Variants in CNTN5 observed in about 807,000 individuals in gnomAD.
CNTN5 encodes contactin-5.
Under a neutral mutation model 129.1 loss-of-function variants are expected in CNTN5, and 77 were observed. That is an observed-to-expected ratio of 0.60 (90% CI 0.50 to 0.72). CNTN5 has a LOEUF of 0.72. Among genes scored for constraint, CNTN5 ranks in the 30% least tolerant of loss-of-function variants. The pLI is 0.00. For missense variants in CNTN5, 1,478 were observed against 1,328.8 expected, an observed-to-expected ratio of 1.11 and a Z score of -1.75; for synonymous variants, 509 against 465.6, an observed-to-expected ratio of 1.09 and a Z score of -1.20.
chr11:99,678,389 C>T (rs1416823334), intron 3 of CNTN5, among the ~76,000 whole-genome samples: 1 of 152,020 alleles, frequency 6.6e-6, no homozygotes, highest in Non-Finnish European at 1.5e-5. Context: ...ATCATTGCAA[C>T]ATATGTTTAA....
intron 16 of CNTN5, among the ~76,000 whole-genome samples, chr11:100,251,407 TTTATC>T (rs1444832632): frequency 7.9e-5 from 12 of 152,104 alleles, no homozygotes; most frequent in African/African-American, 2.9e-4. Flanking sequence ...ATCTTAAACA[TTTATC>T]TTTTCTTTGT....
At chr11:99,470,595 T>C (rs1470522983) in intron 2 of CNTN5, among the ~76,000 whole-genome samples, 1 of 152,138 alleles carries the variant, frequency 6.6e-6, no homozygotes, top group Non-Finnish European at 1.5e-5. Context: ...TTACCTGATA[T>C]AATATGTATT....
At chr11:100,035,937 A>G (rs529410685) in intron 9 of CNTN5, among the ~76,000 whole-genome samples, 2,055 of 152,174 alleles carry the variant, frequency 0.014, 59 homozygotes, top group African/African-American at 0.047. Context: ...CTCTGATGGT[A>G]GTTTCTTTTG....
intron 2 of CNTN5, among the ~76,000 whole-genome samples, chr11:99,554,117 T>G (rs1218629939): frequency 6.6e-6 from 1 of 151,988 alleles, no homozygotes; most frequent in Non-Finnish European, 1.5e-5. Flanking sequence ...GAGTTTATAC[T>G]TAAAGATTAT....
chr11:100,111,558 A>G (rs1379364214), intron 13 of CNTN5, among the ~76,000 whole-genome samples: 1 of 152,162 alleles, frequency 6.6e-6, no homozygotes, highest in Non-Finnish European at 1.5e-5. Flanking sequence ...AGAGACAATA[A>G]TGTTGTTCAT....
chr11:99,179,156 G>C (rs978617276), intron 1 of CNTN5, among the ~76,000 whole-genome samples: 6 of 151,988 alleles, frequency 3.9e-5, no homozygotes, highest in Non-Finnish European at 8.8e-5. Flanking sequence ...CTGGGCTGCT[G>C]GTTGGCCAGG....
chr11:99,459,952 C>T (rs1373648575), intron 2 of CNTN5, among the ~76,000 whole-genome samples: 1 of 151,710 alleles, frequency 6.6e-6, no homozygotes, highest in African/African-American at 2.4e-5. Flanking sequence ...GCTAGTATTA[C>T]TAGACACATG....
At chr11:99,322,269 CAT>C (rs1258979144) in intron 1 of CNTN5, among the ~76,000 whole-genome samples, 3 of 152,140 alleles carry the variant, frequency 2.0e-5, no homozygotes, top group Admixed American at 1.3e-4. Flanking sequence ...ACTGCTTGCA[CAT>C]GTTTCTGGTG....
chr11:99,765,737 G>A (rs1366422787), intron 3 of CNTN5, among the ~76,000 whole-genome samples: 1 of 151,324 alleles, frequency 6.6e-6, no homozygotes, highest in African/African-American at 2.4e-5. Flanking sequence ...TGTTGTTTCT[G>A]TTGTTAATGG....
intron 13 of CNTN5, among the ~76,000 whole-genome samples, chr11:100,127,725 C>A (rs1206118523): frequency 7.6e-6 from 1 of 130,754 alleles, no homozygotes; most frequent in Non-Finnish European, 1.6e-5. Context: ...ATGGCACAAT[C>A]TTGGCTCACT....
At chr11:99,473,790 T>C (rs1457811881) in intron 2 of CNTN5, among the ~76,000 whole-genome samples, 1 of 151,964 alleles carries the variant, frequency 6.6e-6, no homozygotes, top group Non-Finnish European at 1.5e-5. Context: ...CAGCAACATT[T>C]AAAACTATTA....
rs1232357681 is a variant in CNTN5, at chr11:99,753,646, T to A, written c.56-65898T>A. On this transcript the variant is annotated intron_variant, in intron 3 of 24. Coordinates refer to ENST00000524871, the MANE Select transcript of CNTN5 (RefSeq NM_014361.4). The stretch of plus-strand genomic sequence containing the variant: ...CAGATGTGAGTCTCTGTCCAAATTT[T>A]TACTGAAAAAAAAAAAAAAAAAACA... Among the ~76,000 whole-genome samples the A allele has an allele frequency of 1.6e-5, 2 of 122,370 alleles. 1 individual carries two copies. The highest frequency in any genetic ancestry group is 3.3e-5 in the Non-Finnish European group (2 of 60,200). The allele number at this position is 122,370 out of a possible 152,430, so 80.3% of individuals were successfully genotyped here.
At chr11:99,708,426 GTCAA>G (rs551918941) in intron 3 of CNTN5, among the ~76,000 whole-genome samples, 65 of 151,246 alleles carry the variant, frequency 4.3e-4, no homozygotes, top group African/African-American at 6.3e-4. Flanking sequence ...TAATGTCACA[GTCAA>G]TCAGTCAACA....
At chr11:99,442,180 A>AT (rs750711362) in intron 2 of CNTN5, among the ~76,000 whole-genome samples, 11 of 151,598 alleles carry the variant, frequency 7.3e-5, no homozygotes, top group East Asian at 3.9e-4. Context: ...GGCTATATAT[A>AT]TTTTTTTTTT....
At chr11:100,168,254 C>T (rs1247229140) in intron 13 of CNTN5, among the ~76,000 whole-genome samples, 1 of 151,938 alleles carries the variant, frequency 6.6e-6, no homozygotes, top group Non-Finnish European at 1.5e-5. Context: ...AAAGTGGCTA[C>T]ACTAAACAGT....
intron 8 of CNTN5, among the ~76,000 whole-genome samples, chr11:99,967,512 C>A (rs1951127159): frequency 1.3e-5 from 2 of 152,118 alleles, no homozygotes; most frequent in African/African-American, 4.8e-5. Flanking sequence ...CTGGGATTTG[C>A]CTGTCCTTGT....
intron 2 of CNTN5, among the ~76,000 whole-genome samples, chr11:99,372,940 G>A (rs559896257): frequency 1.3e-5 from 2 of 152,250 alleles, no homozygotes; most frequent in South Asian, 2.1e-4. Context: ...TGGGCCCAGT[G>A]GCTCACGCCT....
At chr11:99,483,174 CAAAAAAAA>C (rs34200342) in intron 2 of CNTN5, among the ~76,000 whole-genome samples, 10 of 59,542 alleles carry the variant, frequency 1.7e-4, no homozygotes, top group African/African-American at 5.9e-4. Context: ...GACTCCTTCT[CAAAAAAAA>C]AAAAAAAAAA....
At chr11:99,180,736 T>C (rs1036403493) in intron 1 of CNTN5, among the ~76,000 whole-genome samples, 3 of 152,054 alleles carry the variant, frequency 2.0e-5, no homozygotes, top group African/African-American at 7.2e-5. Context: ...TACAGATACA[T>C]AGGGAAGGCA....
Sources: gnomAD v4.1 joint callset for allele counts (sites outside exome capture counted in the v4.1 genomes callset) on GRCh38, gnomAD v4.1.1 for gene constraint, MANE v1.5 for transcripts, NCBI Gene and HGNC (gene_info 2026-07-23, HGNC 2026-07-21) for gene names.